PPP1R9A: variants seen among roughly 807,000 people sequenced by gnomAD.
PPP1R9A encodes neurabin-1.
Under a neutral mutation model 141.9 loss-of-function variants are expected in PPP1R9A, and 59 were observed. That is an observed-to-expected ratio of 0.42 (90% CI 0.34 to 0.52). The LOEUF (loss-of-function observed/expected upper bound fraction) is 0.52. PPP1R9A is among the 20% of genes least tolerant of loss of function. PPP1R9A has a pLI of 0.10. For synonymous variants in PPP1R9A, 500 were observed against 569.7 expected (o/e 0.88, Z 1.74); for missense variants, 1,444 against 1,611.9 (o/e 0.90, Z 1.78).
chr7:94,985,441 T>C (rs1800697688), intron 2 of PPP1R9A, among the ~76,000 whole-genome samples: 1 of 152,150 alleles, frequency 6.6e-6, no homozygotes, highest in Admixed American at 6.5e-5. Flanking sequence ...TCTCCCATTA[T>C]TATTGTGTGG....
At chr7:95,113,874 C>T (rs1821006436) in intron 3 of PPP1R9A, among the ~76,000 whole-genome samples, 1 of 152,120 alleles carries the variant, frequency 6.6e-6, no homozygotes, top group Admixed American at 6.5e-5. Context: ...AAGTATTAAA[C>T]ATACAATTGC....
At chr7:95,147,125 G>A (rs1827773229) in intron 4 of PPP1R9A, among the ~76,000 whole-genome samples, 1 of 152,176 alleles carries the variant, frequency 6.6e-6, no homozygotes, top group African/African-American at 2.4e-5. Context: ...TCCTATCCAT[G>A]AACACGGAAT....
At chr7:95,140,600 A>G (rs1262086880) in intron 4 of PPP1R9A, among the ~76,000 whole-genome samples, 1 of 152,216 alleles carries the variant, frequency 6.6e-6, no homozygotes, top group Non-Finnish European at 1.5e-5. Flanking sequence ...CATGTTGGCC[A>G]GGCTGGTCTT....
chr7:95,000,877 A>T (rs1244991397), intron 2 of PPP1R9A, among the ~76,000 whole-genome samples: 1 of 152,202 alleles, frequency 6.6e-6, no homozygotes, highest in Non-Finnish European at 1.5e-5. Context: ...CGCAGAATTG[A>T]CTTGCAATTT....
At position 94,913,611 on chromosome 7, in the gene PPP1R9A, T is replaced by C. The variant is rs143840244; in HGVS notation, c.1395+2103T>C. Among the ~76,000 whole-genome samples the C allele has an allele frequency of 3.7e-3, 565 of 152,298 alleles. 21 individuals are homozygous for C. The highest frequency in any genetic ancestry group is 0.031 in the East Asian group (163 of 5,182). On this transcript the variant is annotated intron_variant, in intron 2 of 19. Coordinates refer to ENST00000433360, the MANE Select transcript of PPP1R9A (RefSeq NM_001166160.2). Reference sequence around the variant, plus strand: ...AATGAATAACACAATTACTCTTTCTTGCTGCTTCCATTGTTAAATATGCAA... The same window carrying C: ...AATGAATAACACAATTACTCTTTCTCGCTGCTTCCATTGTTAAATATGCAA...
chr7:95,290,308 T>C lies in PPP1R9A; in HGVS notation c.*5T>C, dbSNP rs1244634686. 1 of 1,605,188 alleles carries C rather than the reference T, an allele frequency of 6.2e-7. No individual in the cohort carries two copies. The highest frequency in any genetic ancestry group is 8.5e-7 in the Non-Finnish European group (1 of 1,175,570). The stretch of plus-strand genomic sequence containing the variant: ...GAGGGTGCTGGTGAGCAGTAACACA[T>C]ACCCTCTTACAGATGATGGAGATGC... On this transcript the variant is annotated 3_prime_UTR_variant, in exon 20 of 20. Coordinates refer to ENST00000433360, the MANE Select transcript of PPP1R9A (RefSeq NM_001166160.2).
intron 2 of PPP1R9A, among the ~76,000 whole-genome samples, chr7:94,970,830 C>T (rs1041169786): frequency 1.3e-5 from 2 of 152,004 alleles, no homozygotes; most frequent in African/African-American, 4.8e-5. Context: ...ATATAAAGAA[C>T]TGACATAAGG....
chr7:95,020,048 A>ATCG (rs1805699134), intron 2 of PPP1R9A, among the ~76,000 whole-genome samples: 1 of 125,618 alleles, frequency 8.0e-6, no homozygotes, highest in African/African-American at 3.0e-5. Flanking sequence ...CATTATCATC[A>ATCG]TCATCATCAT....
chr7:95,006,838 C>G (rs1416624542), intron 2 of PPP1R9A, among the ~76,000 whole-genome samples: 1 of 151,566 alleles, frequency 6.6e-6, no homozygotes, highest in East Asian at 1.9e-4. Context: ...CCTGCCTGAT[C>G]TTTTTTCATT....
intron 12 of PPP1R9A, among the ~76,000 whole-genome samples, chr7:95,255,101 G>C (rs925264293): frequency 6.6e-6 from 1 of 151,896 alleles, no homozygotes; most frequent in Admixed American, 6.6e-5. Context: ...TTTTCCTTGT[G>C]TTCCAGGAAA....
intron 2 of PPP1R9A, among the ~76,000 whole-genome samples, chr7:94,915,782 G>C (rs1394150456): frequency 2.0e-5 from 3 of 152,116 alleles, no homozygotes; most frequent in Admixed American, 2.0e-4. Flanking sequence ...GCTGATGTTT[G>C]AGCCAAGACT....
At chr7:95,133,620 T>C (rs1313597392) in intron 4 of PPP1R9A, among the ~76,000 whole-genome samples, 1 of 151,368 alleles carries the variant, frequency 6.6e-6, no homozygotes, top group Admixed American at 6.6e-5. Flanking sequence ...ATAAAAATTA[T>C]TGTTCATCAT....
intron 8 of PPP1R9A, among the ~76,000 whole-genome samples, chr7:95,246,488 A>G (rs1014420167): frequency 1.3e-5 from 2 of 152,188 alleles, no homozygotes; most frequent in Non-Finnish European, 2.9e-5. Flanking sequence ...TACAGTCTTC[A>G]TGTACCTCGC....
intron 2 of PPP1R9A, among the ~76,000 whole-genome samples, chr7:95,025,835 C>G (rs887494598): frequency 6.6e-6 from 1 of 151,796 alleles, no homozygotes. Flanking sequence ...TCTTCAATCT[C>G]TTGATACCCT....
At chr7:95,246,481 A>G (rs1308370241) in intron 8 of PPP1R9A, among the ~76,000 whole-genome samples, 2 of 152,324 alleles carry the variant, frequency 1.3e-5, no homozygotes, top group East Asian at 1.9e-4. Context: ...TGCTATTTAC[A>G]GTCTTCATGT....
At chr7:94,960,192 T>C (rs1486322941) in intron 2 of PPP1R9A, among the ~76,000 whole-genome samples, 1 of 151,036 alleles carries the variant, frequency 6.6e-6, no homozygotes, top group Non-Finnish European at 1.5e-5. Flanking sequence ...TTTCTTCATG[T>C]TCTTCCTATC....
chr7:95,104,900 T>C (rs923966553), intron 2 of PPP1R9A, among the ~76,000 whole-genome samples: 1 of 152,242 alleles, frequency 6.6e-6, no homozygotes, highest in Non-Finnish European at 1.5e-5. Flanking sequence ...GTCAGGGTTC[T>C]GCCAAGGAAG....
chr7:94,930,637 G>A (rs1017524965), intron 2 of PPP1R9A, among the ~76,000 whole-genome samples: 7 of 152,130 alleles, frequency 4.6e-5, no homozygotes, highest in Non-Finnish European at 8.8e-5. Context: ...ACCATGCCCA[G>A]CCCTATCTTT....
Position 95,072,278 on chromosome 7 carries a change from TATA to T in PPP1R9A, c.1396-38977_1396-38975del, listed in dbSNP as rs1157750467. On this transcript the variant is annotated intron_variant, in intron 2 of 19. Transcript: ENST00000433360. ...TATAATATTATATAATAATATATAA[TATA>T]ATATATATTATAAAAATTAATAATA... Among the ~76,000 whole-genome samples, 9 of 145,040 alleles carry T rather than the reference TATA, an allele frequency of 6.2e-5. No individual in the cohort carries two copies. In the South Asian group the frequency reaches 6.3e-4, roughly 10 times the overall value.
Sources: allele counts gnomAD v4.1 joint callset (sites outside exome capture counted in the v4.1 genomes callset), GRCh38; gene constraint gnomAD v4.1.1; transcripts MANE v1.5; gene names NCBI Gene and HGNC (gene_info 2026-07-23, HGNC 2026-07-21).